SUMF1: variants seen among roughly 807,000 people sequenced by gnomAD.
The protein encoded by SUMF1 is sulfatase modifying factor 1, also known as formylglycine-generating enzyme.
SUMF1 carries 48 observed loss-of-function variants against 47.6 expected under a neutral mutation model. The ratio of observed to expected loss-of-function variants is 1.01; its 90% CI spans 0.80 to 1.28. SUMF1 has a LOEUF of 1.28. Ranked by LOEUF, SUMF1 falls within the 50% of genes most tolerant of loss-of-function variation. The pLI, the probability that SUMF1 is intolerant of heterozygous loss-of-function variation, is 0.00. For synonymous variants in SUMF1, 230 were observed against 192.1 expected (o/e 1.20, Z -1.63); for missense variants, 571 against 485.4 (o/e 1.18, Z -1.66).
At position 4,233,164 on chromosome 3, in the gene SUMF1, G is replaced by A. The variant is rs115960442; in HGVS notation, c.1014+143166C>T. On this transcript the variant is annotated intron_variant and NMD_transcript_variant, in intron 8 of 12. Transcript: ENST00000448413. ...AATGGGATGTTTGGCAGCAGCAGAC[G>A]CTTTACAGATCACTGCTACACCTTC... Among the ~76,000 whole-genome samples, 1,190 of 152,194 alleles carry A rather than the reference G, an allele frequency of 7.8e-3. 13 individuals carry two copies. Among genetic ancestry groups the A allele is most frequent in the African/African-American group, 0.026 (1,061 of 41,552 alleles).
intron 8 of SUMF1, among the ~76,000 whole-genome samples, chr3:4,210,900 G>C (rs1423831269): frequency 6.6e-6 from 1 of 151,608 alleles, no homozygotes; most frequent in Non-Finnish European, 1.5e-5. Flanking sequence ...AGGATATAAA[G>C]CAGGCAGAAA....
chr3:4,409,475 G>C (rs1701474919), intron 7 of SUMF1, among the ~76,000 whole-genome samples: 2 of 152,156 alleles, frequency 1.3e-5, no homozygotes, highest in Admixed American at 6.5e-5. Flanking sequence ...CAAGCGCTCA[G>C]CTCCACACCA....
intron 8 of SUMF1, among the ~76,000 whole-genome samples, chr3:4,314,617 T>A (rs965334316): frequency 6.6e-6 from 1 of 152,200 alleles, no homozygotes; most frequent in African/African-American, 2.4e-5. Context: ...TGTGAAGTTA[T>A]GCTTCAAAAC....
chr3:4,232,266 G>T (rs539004300), intron 8 of SUMF1, among the ~76,000 whole-genome samples: 3 of 152,120 alleles, frequency 2.0e-5, no homozygotes, highest in Non-Finnish European at 4.4e-5. Flanking sequence ...AGGCCAAGAT[G>T]AGGGAAAGAC....
intron 3 of SUMF1, among the ~76,000 whole-genome samples, chr3:4,446,059 G>A (rs1398000909): frequency 6.6e-6 from 1 of 152,170 alleles, no homozygotes; most frequent in Non-Finnish European, 1.5e-5. Context: ...TGTCCTGTAT[G>A]ACCTGCAACA....
intron 8 of SUMF1, among the ~76,000 whole-genome samples, chr3:4,282,721 A>C (rs779397360): frequency 1.6e-4 from 25 of 152,184 alleles, no homozygotes; most frequent in Non-Finnish European, 3.4e-4. Flanking sequence ...TTGAAACTTA[A>C]AAGTCATAAA....
intron 8 of SUMF1, among the ~76,000 whole-genome samples, chr3:4,221,214 T>A (rs9683216): frequency 0.1 from 15,970 of 152,106 alleles, 2,187 homozygotes; most frequent in African/African-American, 0.32. Context: ...GCTGATGCCA[T>A]AGACACATAT....
chr3:4,123,066 A>C (rs1382784883), intron 8 of SUMF1, among the ~76,000 whole-genome samples: 1 of 152,214 alleles, frequency 6.6e-6, no homozygotes, highest in Admixed American at 6.5e-5. Context: ...CTTACGAAAC[A>C]TTGAGTAAAG....
At chr3:4,312,089 C>CTTA in intron 8 of SUMF1, among the ~76,000 whole-genome samples, 1 of 152,102 alleles carries the variant, frequency 6.6e-6, no homozygotes, top group East Asian at 1.9e-4. Context: ...ATTAGAATTT[C>CTTA]TTTACAAGTG....
At chr3:4,341,031 A>G (rs1255522287) in intron 8 of SUMF1, among the ~76,000 whole-genome samples, 1 of 152,108 alleles carries the variant, frequency 6.6e-6, no homozygotes, top group African/African-American at 2.4e-5. Context: ...AGCTTTTGCC[A>G]TCAGGGAGTG....
At chr3:4,381,530 T>C (rs925958647) in intron 7 of SUMF1, among the ~76,000 whole-genome samples, 2 of 152,164 alleles carry the variant, frequency 1.3e-5, no homozygotes, top group Non-Finnish European at 2.9e-5. Flanking sequence ...TTTGACACAA[T>C]CCATAGTAAT....
intron 8 of SUMF1, among the ~76,000 whole-genome samples, chr3:4,253,427 G>A (rs546074810): frequency 4.6e-5 from 7 of 152,218 alleles, no homozygotes; most frequent in Non-Finnish European, 8.8e-5. Flanking sequence ...AGCGGAAGCA[G>A]GGCGAGGCAT....
At chr3:4,135,561 C>T (rs1439834829) in intron 8 of SUMF1, among the ~76,000 whole-genome samples, 1 of 152,080 alleles carries the variant, frequency 6.6e-6, no homozygotes, top group African/African-American at 2.4e-5. Flanking sequence ...TGAAAACTGG[C>T]ACAAGACAGG....
intron 8 of SUMF1, among the ~76,000 whole-genome samples, chr3:4,084,423 G>C (rs564858826): frequency 6.6e-6 from 1 of 152,246 alleles, no homozygotes; most frequent in South Asian, 2.1e-4. Flanking sequence ...AGTCATAGCA[G>C]CCAATGGAAT....
intron 8 of SUMF1, among the ~76,000 whole-genome samples, chr3:4,328,091 G>A (rs975118509): frequency 1.3e-5 from 2 of 152,106 alleles, no homozygotes; most frequent in African/African-American, 4.8e-5. Context: ...GATGGCGGGT[G>A]CCTGTAGTCC....
intron 2 of SUMF1, among the ~76,000 whole-genome samples, chr3:4,450,032 G>T (rs1702916529): frequency 6.6e-6 from 1 of 152,140 alleles, no homozygotes; most frequent in South Asian, 2.1e-4. Context: ...GCTCCCCAGA[G>T]CTCTGCCCTT....
chr3:4,265,644 A>T (rs1697177116), intron 8 of SUMF1, among the ~76,000 whole-genome samples: 1 of 151,748 alleles, frequency 6.6e-6, no homozygotes, highest in South Asian at 2.1e-4. Context: ...TTGTCAGATG[A>T]GTAGGTTGCG....
At chr3:4,344,796 G>A (rs1190138858) in intron 8 of SUMF1, among the ~76,000 whole-genome samples, 1 of 152,134 alleles carries the variant, frequency 6.6e-6, no homozygotes, top group Admixed American at 6.5e-5. Context: ...TAAGAGGTTA[G>A]AGGAATTGAT....
intron 8 of SUMF1, among the ~76,000 whole-genome samples, chr3:4,311,397 C>T (rs1344750508): frequency 3.3e-5 from 5 of 152,168 alleles, no homozygotes; most frequent in East Asian, 1.9e-4. Context: ...AATGAAAGGC[C>T]GTGCAACTGG....
Sources: allele counts gnomAD v4.1 joint callset (sites outside exome capture counted in the v4.1 genomes callset), GRCh38; gene constraint gnomAD v4.1.1; transcripts MANE v1.5; gene names NCBI Gene and HGNC (gene_info 2026-07-23, HGNC 2026-07-21).